TMEM65: variants seen among roughly 807,000 people sequenced by gnomAD.
TMEM65 encodes the protein transmembrane protein 65.
In TMEM65, 22 loss-of-function variants were observed where a neutral mutation model predicts 25.4. The ratio of observed to expected loss-of-function variants is 0.86; its 90% CI spans 0.62 to 1.23. The LOEUF is 1.23. Ranked by LOEUF, TMEM65 falls within the 50% of genes most tolerant of loss-of-function variation. TMEM65 has a pLI of 0.00. For synonymous variants in TMEM65, 132 were observed against 126.2 expected (o/e 1.05, Z -0.31); for missense variants, 262 against 308.2 (o/e 0.85, Z 1.12).
intron 1 of TMEM65, among the ~76,000 whole-genome samples, chr8:124,346,869 A>G (rs1814645577): frequency 6.6e-6 from 1 of 152,318 alleles, no homozygotes; most frequent in South Asian, 2.1e-4. Flanking sequence ...CACAATTCTG[A>G]ACATTATGAA....
In TMEM65 at chr8:124,356,701, ACT is replaced by A. The variant is rs1387547357; in HGVS notation, c.304+15151_304+15152del. 5.9e-5 allele frequency among the ~76,000 whole-genome samples: 9 copies of A among 151,518 alleles called. No homozygotes were observed. The East Asian group carries it at 1.6e-3, about 26-fold the overall frequency. ...CTTGACCTATCTAAAGCATCAGATC[ACT>A]CTTTTTTTATTTTTATTTTTTTGAG... On this transcript the variant is annotated intron_variant, in intron 1 of 6. Transcript: ENST00000297632.
chr8:124,363,129 T>C (rs1814892998), intron 1 of TMEM65, among the ~76,000 whole-genome samples: 1 of 152,220 alleles, frequency 6.6e-6, no homozygotes. Context: ...ATTGAAAGTT[T>C]AGTCTTTTGA....
intron 3 of TMEM65, among the ~76,000 whole-genome samples, chr8:124,324,098 T>A (rs905816005): frequency 6.6e-6 from 1 of 151,958 alleles, no homozygotes; most frequent in Non-Finnish European, 1.5e-5. Context: ...AATCCTAGGA[T>A]CTATTGTGCT....
chr8:124,355,266 AC>A (rs1814764626), intron 1 of TMEM65, among the ~76,000 whole-genome samples: 1 of 151,824 alleles, frequency 6.6e-6, no homozygotes, highest in African/African-American at 2.4e-5. Flanking sequence ...AAATTCTAGG[AC>A]GTTTTTTAAA....
At chr8:124,340,073 C>G (rs1285128852) in intron 1 of TMEM65, among the ~76,000 whole-genome samples, 2 of 152,088 alleles carry the variant, frequency 1.3e-5, no homozygotes, top group African/African-American at 4.8e-5. Flanking sequence ...AGCTTCTTTA[C>G]AGAAGGCAAG....
At chr8:124,360,344 C>T (rs1304167939) in intron 1 of TMEM65, among the ~76,000 whole-genome samples, 1 of 148,992 alleles carries the variant, frequency 6.7e-6, no homozygotes, top group Non-Finnish European at 1.5e-5. Flanking sequence ...GCAGGAGAGT[C>T]GCTTGAACCC....
intron 1 of TMEM65, among the ~76,000 whole-genome samples, chr8:124,363,664 C>T (rs1218081959): frequency 2.0e-5 from 3 of 151,448 alleles, no homozygotes; most frequent in African/African-American, 4.9e-5. Context: ...GGTGAAACCC[C>T]GTCTCTACTA....
At chr8:124,348,697 T>A (rs572195390) in intron 1 of TMEM65, among the ~76,000 whole-genome samples, 1 of 152,312 alleles carries the variant, frequency 6.6e-6, no homozygotes, top group Admixed American at 6.5e-5. Flanking sequence ...AAAATAAAAT[T>A]GTTTCGTATC....
At chr8:124,319,033 A>G (rs1814273711) in intron 6 of TMEM65, among the ~76,000 whole-genome samples, 1 of 152,154 alleles carries the variant, frequency 6.6e-6, no homozygotes, top group Non-Finnish European at 1.5e-5. Flanking sequence ...TGTAAGATCT[A>G]TCAGAAATAA....
chr8:124,344,394 G>A (rs1004397310), intron 1 of TMEM65, among the ~76,000 whole-genome samples: 2 of 152,124 alleles, frequency 1.3e-5, no homozygotes, highest in African/African-American at 4.8e-5. Flanking sequence ...ATGTAAATGA[G>A]GTTATGATTA....
chr8:124,368,304 A>C (rs1371538376), intron 1 of TMEM65, among the ~76,000 whole-genome samples: 2 of 150,540 alleles, frequency 1.3e-5, no homozygotes, highest in South Asian at 2.1e-4. Context: ...TTCAAAACAT[A>C]TCTCTCATTT....
rs1309398909 is a variant in TMEM65, at chr8:124,308,285, T to A, written c.*5675A>T. The A allele has an allele frequency of 1.3e-5, 2 of 152,066 alleles. No homozygotes were observed. Among genetic ancestry groups the A allele is most frequent in the Non-Finnish European group, 2.9e-5 (2 of 68,044 alleles). 9.4% of individuals were successfully genotyped at this position (152,066 alleles called of 1,614,324 possible). A position where few individuals can be genotyped will look rare whatever the true frequency, so the allele number is the denominator to read the frequency against. The stretch of plus-strand genomic sequence containing the variant: ...GATCTATTTGCCCCCAAACACAATG[T>A]CTCTAATTTAGTTTCTAGATCAGGG... On this transcript the variant is annotated 3_prime_UTR_variant, in exon 7 of 7. Coordinates refer to ENST00000297632, the MANE Select transcript of TMEM65 (RefSeq NM_194291.3).
intron 1 of TMEM65, among the ~76,000 whole-genome samples, chr8:124,366,856 C>A (rs1445694403): frequency 6.6e-6 from 1 of 152,156 alleles, no homozygotes; most frequent in Non-Finnish European, 1.5e-5. Context: ...TAATTAGGTT[C>A]TTTCCATATT....
rs1252651436 is a variant in TMEM65, at chr8:124,348,054, C to CAGTA, written c.305-17266_305-17263dup. Among the ~76,000 whole-genome samples, 3 of 151,890 alleles carry CAGTA rather than the reference C, an allele frequency of 2.0e-5. No homozygotes were observed. The East Asian group carries it at 5.8e-4, about 29-fold the overall frequency. ...TACAGGCAGTAGCCAGGGTTACAGG[C>CAGTA]AGTAGCCGGGATTACAGGCAGTAGC... On this transcript the variant is annotated intron_variant, in intron 1 of 6. Transcript: ENST00000297632.
At chr8:124,332,866 C>T (rs1419092388) in intron 1 of TMEM65, among the ~76,000 whole-genome samples, 1 of 151,932 alleles carries the variant, frequency 6.6e-6, no homozygotes. Context: ...AGTGCAGTGG[C>T]GCGATCTCGG....
rs569730783 is a variant in TMEM65, at chr8:124,322,829, C to T, written c.472+492G>A. 1.2e-3 allele frequency among the ~76,000 whole-genome samples: 189 copies of T among 152,104 alleles called. 3 individuals are homozygous for T. The highest frequency in any genetic ancestry group is 1.4e-3 in the Non-Finnish European group (96 of 67,986). On this transcript the variant is annotated intron_variant, in intron 4 of 6. Transcript: ENST00000297632. ...TGGCCAACATGGTGAAACCCCGTCT[C>T]TACTAAAAATACAAAAATTAGCCAG... is the stretch of plus-strand genomic sequence containing the variant.
At chr8:124,349,027 CA>C (rs2131218146) in intron 1 of TMEM65, among the ~76,000 whole-genome samples, 1 of 152,290 alleles carries the variant, frequency 6.6e-6, no homozygotes, top group African/African-American at 2.4e-5. Context: ...ATACTGACTT[CA>C]TTCTCCACTT....
At chr8:124,339,510 A>T (rs1346662263) in intron 1 of TMEM65, among the ~76,000 whole-genome samples, 1 of 151,808 alleles carries the variant, frequency 6.6e-6, no homozygotes, top group East Asian at 1.9e-4. Context: ...AAACTTTGTT[A>T]TATTTAATCT....
chr8:124,339,149 A>G (rs1814549741), intron 1 of TMEM65, among the ~76,000 whole-genome samples: 1 of 135,884 alleles, frequency 7.4e-6, no homozygotes, highest in African/African-American at 2.8e-5. Flanking sequence ...CCCAGATCGC[A>G]CCACTGTACT....
Sources: allele counts gnomAD v4.1 joint callset (sites outside exome capture counted in the v4.1 genomes callset), GRCh38; gene constraint gnomAD v4.1.1; transcripts MANE v1.5; gene names NCBI Gene and HGNC (gene_info 2026-07-23, HGNC 2026-07-21).